SFMBT1: variants seen among roughly 807,000 people sequenced by gnomAD.
SFMBT1 encodes the protein scm-like with four MBT domains protein 1.
In SFMBT1, 32 loss-of-function variants were observed where a neutral mutation model predicts 108.7. The ratio of observed to expected loss-of-function variants is 0.29; its 90% CI spans 0.22 to 0.40. The LOEUF is 0.40. SFMBT1 is among the 10% of genes least tolerant of loss of function. SFMBT1 has a pLI of 1.00. For synonymous variants in SFMBT1, 348 were observed against 369.5 expected (o/e 0.94, Z 0.67); for missense variants, 816 against 1,059.6 (o/e 0.77, Z 3.19).
chr3:52,990,601 T>C (rs1438626784), intron 1 of SFMBT1, among the ~76,000 whole-genome samples: 1 of 152,202 alleles, frequency 6.6e-6, no homozygotes, highest in East Asian at 1.9e-4. Context: ...TTCAGACTGT[T>C]GGACTGTTAA....
At position 52,920,662 on chromosome 3, in the gene SFMBT1, T is replaced by TAAAAAAC; in HGVS notation, c.1259-13_1259-12insGTTTTTT. ...AGGCTTCTTAGAACCTGTTTAGATTTAAACAAACAAACAAACAAACAAACA... is the reference window on the plus strand; with the variant it reads ...AGGCTTCTTAGAACCTGTTTAGATTTAAAAAACAAACAAACAAACAAACAAACAAACA... On this transcript the variant is annotated splice_polypyrimidine_tract_variant and intron_variant, in intron 11 of 20. Transcript: ENST00000394752. 1 of 1,490,288 alleles carries TAAAAAAC rather than the reference T, an allele frequency of 6.7e-7. No homozygotes were observed. The highest frequency in any genetic ancestry group is 9.3e-7 in the Non-Finnish European group (1 of 1,079,148). The allele number at this position is 1,490,288 out of a possible 1,614,324, so 92.3% of individuals were successfully genotyped here.
chr3:52,919,951 T>C (rs185732239), intron 12 of SFMBT1, among the ~76,000 whole-genome samples: 16 of 152,344 alleles, frequency 1.1e-4, no homozygotes, highest in Admixed American at 5.2e-4. Context: ...AAGGTGATCA[T>C]GTCACAAGGG....
intron 1 of SFMBT1, among the ~76,000 whole-genome samples, chr3:53,042,140 A>G (rs1700078877): frequency 6.6e-6 from 1 of 152,178 alleles, no homozygotes; most frequent in African/African-American, 2.4e-5. Flanking sequence ...GACTGTATCT[A>G]TTTACTTAAT....
chr3:52,931,989 T>G (rs1380171952), intron 6 of SFMBT1, 73 bp downstream of exon 6: 20 of 1,495,584 alleles, frequency 1.3e-5, no homozygotes, highest in Non-Finnish European at 1.7e-5. Flanking sequence ...CAGAATATAT[T>G]TTTTCAGCCT....
chr3:52,991,225 C>T (rs1180981185), intron 1 of SFMBT1, among the ~76,000 whole-genome samples: 1 of 152,090 alleles, frequency 6.6e-6, no homozygotes, highest in African/African-American at 2.4e-5. Context: ...TTCCCATGTG[C>T]CAACATTTCC....
At position 52,907,310 on chromosome 3, in the gene SFMBT1, C is replaced by T. The variant is rs1278306303; in HGVS notation, c.2090G>A (p.Ser697Asn). The change falls in exon 19 of 21, where the codon AGT becomes AAT. Residue 697 changes from serine to asparagine, a missense_variant. By Grantham distance (46) the Ser-to-Asn change is conservative (BLOSUM62 1). Coordinates refer to ENST00000394752, the MANE Select transcript of SFMBT1 (RefSeq NM_016329.4). ...TGGGTCATCCTCATCTTCACCCCCACTTCCCTGCAGGAAAAGGAGAGAAGT... is the reference window on the plus strand; with the variant it reads ...TGGGTCATCCTCATCTTCACCCCCATTTCCCTGCAGGAAAAGGAGAGAAGT... ...DNTPAGSPQG[S>N]GGEDEDDPDE... 2 of 1,611,908 alleles carry T rather than the reference C, an allele frequency of 1.2e-6. No homozygotes were observed. Among genetic ancestry groups the T allele is most frequent in the South Asian group, 2.2e-5 (2 of 90,784 alleles).
rs191430155 is a variant in SFMBT1, at chr3:52,948,405, C to T, written c.124-4812G>A. Among the ~76,000 whole-genome samples, 404 of 152,000 alleles carry T rather than the reference C, an allele frequency of 2.7e-3. 4 individuals are homozygous for T. Among genetic ancestry groups the T allele is most frequent in the African/African-American group, 9.2e-3 (380 of 41,456 alleles). ...GGTGTGTCTGGCTACCCTTGATCCACGATATATCCATATAAAAATCAGAAT... is the reference window on the plus strand; with the variant it reads ...GGTGTGTCTGGCTACCCTTGATCCATGATATATCCATATAAAAATCAGAAT... On this transcript the variant is annotated intron_variant, in intron 3 of 20. Transcript: ENST00000394752.
chr3:52,934,976 TG>T, intron 4 of SFMBT1, 75 bp from the exon 5 acceptor site: 1 of 1,169,042 alleles, frequency 8.6e-7, no homozygotes, highest in Non-Finnish European at 1.3e-6. Context: ...TCAGTGGAGA[TG>T]GTTTAAAGGT....
chr3:53,043,524 C>G (rs1700120991), intron 1 of SFMBT1, among the ~76,000 whole-genome samples: 1 of 152,190 alleles, frequency 6.6e-6, no homozygotes, highest in African/African-American at 2.4e-5. Flanking sequence ...CATTAAGAAA[C>G]TGATTCATCT....
intron 2 of SFMBT1, among the ~76,000 whole-genome samples, chr3:52,965,020 AATC>A (rs1302933316): frequency 6.6e-6 from 1 of 152,192 alleles, no homozygotes; most frequent in Admixed American, 6.5e-5. Flanking sequence ...AACCAATGAA[AATC>A]ATCATTTCAA....
At chr3:52,968,960 G>A (rs911908057) in intron 2 of SFMBT1, 141 bp downstream of exon 2, 8 of 894,438 alleles carry the variant, frequency 8.9e-6, no homozygotes, top group Middle Eastern at 5.0e-4. Flanking sequence ...GGTTCTCTGA[G>A]AGGTACAGAA....
rs71087045 is a variant in SFMBT1 at position 52,991,342 on chromosome 3, C to CT, written c.-130-22085dup. Reference sequence around the variant, plus strand: ...ACCCAAAATTCACATGCTGAAACTTCTTTTTTTTTTTTTTTTTTTGAGATG... The same window carrying CT: ...ACCCAAAATTCACATGCTGAAACTTCTTTTTTTTTTTTTTTTTTTTGAGATG... On this transcript the variant is annotated intron_variant, in intron 1 of 20. Transcript: ENST00000394752. Among the ~76,000 whole-genome samples, 669 of 91,208 alleles carry CT rather than the reference C, an allele frequency of 7.3e-3. 16 individuals carry two copies. Among genetic ancestry groups the CT allele is most frequent in the African/African-American group, 0.019 (525 of 27,312 alleles). The allele number at this position is 91,208 out of a possible 152,430, so 59.8% of individuals were successfully genotyped here.
chr3:52,981,604 C>T (rs1704715243), intron 1 of SFMBT1, among the ~76,000 whole-genome samples: 1 of 150,194 alleles, frequency 6.7e-6, no homozygotes, highest in African/African-American at 2.5e-5. Flanking sequence ...GTCTGAAACT[C>T]CTGGGCTCAA....
Position 52,968,963 on chromosome 3 carries a change from G to A in SFMBT1, c.28+138C>T, listed in dbSNP as rs1278549795. 5 of 929,856 alleles carry A rather than the reference G, an allele frequency of 5.4e-6. No homozygotes were observed. In the African/African-American group the frequency reaches 8.2e-5, roughly 15 times the overall value. 57.6% of individuals were successfully genotyped at this position (929,856 alleles called of 1,614,324 possible). ...CCCCTAGTGCCAGGTTCTCTGAGAGGTACAGAAGATGGCAATGAAAAACAA... is the reference window on the plus strand; with the variant it reads ...CCCCTAGTGCCAGGTTCTCTGAGAGATACAGAAGATGGCAATGAAAAACAA... On this transcript the variant is annotated intron_variant, in intron 2 of 20. Coordinates refer to ENST00000394752, the MANE Select transcript of SFMBT1 (RefSeq NM_016329.4).
At chr3:53,034,044 T>C (rs1299293590) in intron 1 of SFMBT1, among the ~76,000 whole-genome samples, 2 of 119,372 alleles carry the variant, frequency 1.7e-5, no homozygotes, top group East Asian at 5.2e-4. Context: ...CACTCCAGCC[T>C]GGGCAACAAG....
chr3:52,955,182 G>A (rs1303308256), intron 2 of SFMBT1, among the ~76,000 whole-genome samples: 1 of 152,106 alleles, frequency 6.6e-6, no homozygotes, highest in Non-Finnish European at 1.5e-5. Flanking sequence ...GGAGGCTGAG[G>A]TGGGCAGATC....
At chr3:53,003,533 C>T (rs899164172) in intron 1 of SFMBT1, among the ~76,000 whole-genome samples, 3 of 149,896 alleles carry the variant, frequency 2.0e-5, no homozygotes, top group Admixed American at 6.8e-5. Context: ...ATATTCTCTC[C>T]GTTTTTCCGT....
Position 52,943,488 on chromosome 3 carries a change from C to G in SFMBT1, c.229G>C (p.Glu77Gln). ...YWVATVITTC[E>Q]QLLLLRYDGY... ...TCATAGCGGAGAAGGAGCAACTGCT[C>G]ACAGGTAGTGATAACGGTGGCAACC... The change falls in exon 4 of 21, where the codon GAG becomes CAG. Residue 77 changes from glutamate to glutamine, a missense_variant. Transcript: ENST00000394752. 6.2e-7 allele frequency: 1 copy of G among 1,614,144 alleles called. No homozygotes were observed. Among genetic ancestry groups the G allele is most frequent in the Non-Finnish European group, 8.5e-7 (1 of 1,179,998 alleles).
intron 2 of SFMBT1, among the ~76,000 whole-genome samples, chr3:52,965,257 G>C (rs1559529266): frequency 6.7e-6 from 1 of 149,118 alleles, no homozygotes; most frequent in East Asian, 2.0e-4. Context: ...AAGCAGACAA[G>C]AAAGAATGAG....
Sources: gnomAD v4.1 joint callset for allele counts (sites outside exome capture counted in the v4.1 genomes callset) on GRCh38, gnomAD v4.1.1 for gene constraint, MANE v1.5 for transcripts, NCBI Gene and HGNC (gene_info 2026-07-23, HGNC 2026-07-21) for gene names.